Variants in AKR1A1 observed in about 807,000 individuals in gnomAD.
AKR1A1 encodes aldo-keto reductase family 1 member A1, also known as HEL-S-165mP.
AKR1A1 carries 26 observed loss-of-function variants against 39.2 expected under a neutral mutation model. That is an observed-to-expected ratio of 0.66 (90% CI 0.49 to 0.92). The LOEUF (loss-of-function observed/expected upper bound fraction) is 0.92, where lower values mean the gene tolerates loss of function less well. Ranked by LOEUF, AKR1A1 falls within the 40% of genes least tolerant of loss-of-function variation. AKR1A1 has a pLI of 0.00. For synonymous variants in AKR1A1, 141 were observed against 155.5 expected (o/e 0.91, Z 0.69); for missense variants, 378 against 406.5 (o/e 0.93, Z 0.60).
intron 1 of AKR1A1, among the ~76,000 whole-genome samples, chr1:45,556,871 C>G (rs2148292172): frequency 6.6e-6 from 1 of 151,258 alleles, no homozygotes; most frequent in South Asian, 2.1e-4. Flanking sequence ...GAGTGAAACT[C>G]CATCTCAAAC....
chr1:45,567,236 G>A (rs1341548084), intron 4 of AKR1A1: 2 of 606,782 alleles, frequency 3.3e-6, no homozygotes. Context: ...CTCACATGGT[G>A]TGTACCCCAG....
At chr1:45,568,811 T>G (rs1644379216) in intron 6 of AKR1A1, 116 bp from the exon 7 acceptor site, 4 of 1,519,786 alleles carry the variant, frequency 2.6e-6, no homozygotes, top group Non-Finnish European at 3.6e-6. Context: ...TGTAGGCATA[T>G]TTCCCATTTC....
intron 1 of AKR1A1, among the ~76,000 whole-genome samples, chr1:45,555,611 A>G (rs796468226): frequency 1.3e-5 from 2 of 152,234 alleles, no homozygotes; most frequent in African/African-American, 2.4e-5. Context: ...TGCAAATACT[A>G]TGCCATTTTA....
Position 45,567,824 on chromosome 1 carries a change from C to T in AKR1A1, c.357-158C>T. On this transcript the variant is annotated intron_variant, in intron 4 of 8. Coordinates refer to ENST00000351829, the MANE Select transcript of AKR1A1 (RefSeq NM_153326.3). ...CCTGGGCGGTAAAGCGAGACTCCAT[C>T]TCAAAAAAAAAAAAAAAGAAAAAGC... The T allele has an allele frequency of 4.7e-6, 3 of 641,576 alleles. No homozygotes were observed. The South Asian group carries it at 6.6e-5, about 14-fold the overall frequency. The allele number at this position is 641,576 out of a possible 1,614,324, so 39.7% of individuals were successfully genotyped here. A position where few individuals can be genotyped will look rare whatever the true frequency, so the allele number is the denominator to read the frequency against.
chr1:45,569,917 T>G lies in AKR1A1; in HGVS notation c.939T>G (p.Asp313Glu). Residue 313 changes from aspartate (D) to glutamate (E), a missense_variant, in exon 9 of 9, where the codon GAT (aspartate) becomes GAG (glutamate). Transcript: ENST00000351829. ...TGGATGGGAAGAGAGTCCCAAGGGATGCAGGGCATCCTCTGTACCCCTTTA... is the reference window on the plus strand; with the variant it reads ...TGGATGGGAAGAGAGTCCCAAGGGAGGCAGGGCATCCTCTGTACCCCTTTA... ...LTVDGKRVPR[D>E]AGHPLYPFND... 1 of 1,614,206 alleles carries G rather than the reference T, an allele frequency of 6.2e-7. No individual in the cohort carries two copies. Among genetic ancestry groups the G allele is most frequent in the South Asian group, 1.1e-5 (1 of 91,086 alleles).
rs1570881761 is a variant in AKR1A1 at position 45,550,828 on chromosome 1, C to A, written c.-334C>A. 1 of 152,354 alleles carries A rather than the reference C, an allele frequency of 6.6e-6. No homozygotes were observed. The highest frequency in any genetic ancestry group is 1.5e-5 in the Non-Finnish European group (1 of 68,126). 9.4% of individuals were successfully genotyped at this position (152,354 alleles called of 1,614,324 possible). On this transcript the variant is annotated 5_prime_UTR_variant, in exon 1 of 9. Transcript: ENST00000351829. The stretch of plus-strand genomic sequence containing the variant: ...CCCCTTGCACCGCCCACGTGGCCAG[C>A]GCCACCTGCCTCATTGTGCCCAGGA...
chr1:45,559,643 T>C (rs1293534993), intron 1 of AKR1A1, among the ~76,000 whole-genome samples: 10 of 125,294 alleles, frequency 8.0e-5, no homozygotes, highest in South Asian at 2.9e-4. Context: ...TCTTTTTTTT[T>C]TTTTTTTTTT....
chr1:45,564,630 G>A (rs1644316032), intron 2 of AKR1A1, among the ~76,000 whole-genome samples: 1 of 151,800 alleles, frequency 6.6e-6, no homozygotes, highest in Admixed American at 6.6e-5. Context: ...AGAGTTCCCA[G>A]AGTCTGTCTA....
chr1:45,567,608 A>C, intron 4 of AKR1A1: 2 of 160,918 alleles, frequency 1.2e-5, no homozygotes, highest in Non-Finnish European at 2.7e-5. Context: ...CGGGCGGATC[A>C]CGAGGTCAGG....
intron 2 of AKR1A1, among the ~76,000 whole-genome samples, chr1:45,564,204 G>A (rs1644311112): frequency 6.6e-6 from 1 of 152,148 alleles, no homozygotes; most frequent in Non-Finnish European, 1.5e-5. Context: ...CTGTGCTTTA[G>A]GCAGGCACTT....
In AKR1A1 at chr1:45,568,626, C is replaced by G. The variant is rs1175348496; in HGVS notation, c.694C>G (p.Pro232Ala). The change falls in exon 6 of 9, where the codon CCA (proline) becomes GCA (alanine). Residue 232 changes from proline (P) to alanine (A), a missense_variant. Transcript: ENST00000351829. ...TGATGAGCCTGTCCTGCTGGAGGAA[C>G]CAGTAGTCCTGGCATTGGCTGAAAA... is the stretch of plus-strand genomic sequence containing the variant. ...DPDEPVLLEE[P>A]VVLALAEKYG... 8 of 1,613,786 alleles carry G rather than the reference C, an allele frequency of 5.0e-6. No homozygotes were observed. The highest frequency in any genetic ancestry group is 1.3e-5 in the African/African-American group (1 of 74,922).
At chr1:45,551,589 T>G (rs1335162531) in intron 1 of AKR1A1, among the ~76,000 whole-genome samples, 2 of 152,156 alleles carry the variant, frequency 1.3e-5, no homozygotes, top group East Asian at 3.8e-4. Context: ...TCTGAGAAAG[T>G]CTGACATGTT....
chr1:45,569,297 G>A, intron 8 of AKR1A1, 68 bp downstream of exon 8: 1 of 1,315,558 alleles, frequency 7.6e-7, no homozygotes, highest in Non-Finnish European at 1.1e-6. Context: ...GCCCAGGTGT[G>A]ACCTAAGGCT....
At chr1:45,567,196 G>C (rs1312751485) in intron 4 of AKR1A1, 176 bp downstream of exon 4, 2 of 853,590 alleles carry the variant, frequency 2.3e-6, no homozygotes, top group Non-Finnish European at 3.5e-6. Flanking sequence ...TGTAGCTACA[G>C]GAGTTTAACT....
intron 8 of AKR1A1, among the ~76,000 whole-genome samples, chr1:45,569,621 T>A (rs763528344): frequency 7.9e-5 from 12 of 152,186 alleles, no homozygotes; most frequent in Non-Finnish European, 1.3e-4. Flanking sequence ...AAGTCGGCTG[T>A]ACTTAGGGAA....
chr1:45,562,705 T>A (rs7525459), intron 2 of AKR1A1, among the ~76,000 whole-genome samples: 75,310 of 151,736 alleles, frequency 0.5, 18,807 homozygotes, highest in East Asian at 0.62. Flanking sequence ...AGACAGGGTT[T>A]TACCATGTTG....
intron 1 of AKR1A1, among the ~76,000 whole-genome samples, chr1:45,555,105 C>T (rs1034133775): frequency 3.3e-5 from 5 of 152,142 alleles, no homozygotes; most frequent in Admixed American, 6.6e-5. Context: ...ACAAAGTCAA[C>T]ACTCTATCCA....
At chr1:45,567,952 C>T in intron 4 of AKR1A1, 30 bp from the exon 5 acceptor site, 2 of 1,576,392 alleles carry the variant, frequency 1.3e-6, no homozygotes, top group African/African-American at 2.7e-5. Context: ...GCATTTGTGT[C>T]CACACTTGGT....
rs990191888 is a variant in AKR1A1 at position 45,568,491 on chromosome 1, T to C, written c.559T>C (p.Cys187Arg). Residue 187 changes from cysteine (C) to arginine (R), a missense_variant, in exon 6 of 9, where the codon TGC becomes CGC. Physicochemically the swap from Cys to Arg is radical, Grantham distance 180 (BLOSUM62 -3). Transcript: ENST00000351829. ...SVRPAVLQVE[C>R]HPYLAQNELI... ...GGGTTATTCTTTGGCTCAGGTGGAATGCCACCCATACTTGGCTCAAAATGA... is the reference window on the plus strand; with the variant it reads ...GGGTTATTCTTTGGCTCAGGTGGAACGCCACCCATACTTGGCTCAAAATGA... 9 of 1,613,534 alleles carry C rather than the reference T, an allele frequency of 5.6e-6. No homozygotes were observed. The highest frequency in any genetic ancestry group is 6.8e-6 in the Non-Finnish European group (8 of 1,180,020).
Sources: allele counts gnomAD v4.1 joint callset (sites outside exome capture counted in the v4.1 genomes callset), GRCh38; gene constraint gnomAD v4.1.1; transcripts MANE v1.5; gene names NCBI Gene and HGNC (gene_info 2026-07-23, HGNC 2026-07-21).